Variants in ZFPM2 observed in about 807,000 individuals in gnomAD.
ZFPM2 encodes the protein zinc finger protein ZFPM2.
ZFPM2 carries 20 observed loss-of-function variants against 98.6 expected under a neutral mutation model. The ratio of observed to expected loss-of-function variants is 0.20; its 90% confidence interval spans 0.14 to 0.29. The LOEUF (loss-of-function observed/expected upper bound fraction) is 0.29, where lower values mean the gene tolerates loss of function less well. ZFPM2 is among the 10% of genes least tolerant of loss of function. The pLI, the probability that ZFPM2 is intolerant of heterozygous loss-of-function variation, is 1.00. For synonymous variants in ZFPM2, 518 were observed against 502.7 expected, an observed-to-expected ratio of 1.03 and a Z score of -0.41; for missense variants, 1,310 against 1,388.6, an observed-to-expected ratio of 0.94 and a Z score of 0.90.
At position 105,803,446 on chromosome 8, in the gene ZFPM2, C is replaced by G. The variant is rs1480835006; in HGVS notation, c.3364C>G (p.Arg1122Gly). The G allele has an allele frequency of 1.2e-6, 2 of 1,613,708 alleles. No homozygotes were observed. Among genetic ancestry groups the G allele is most frequent in the Non-Finnish European group, 1.7e-6 (2 of 1,179,758 alleles). Residue 1122 changes from arginine (R) to glycine (G), a missense_variant, in exon 8 of 8, where the codon CGG becomes GGG. Transcript: ENST00000407775. The stretch of plus-strand genomic sequence containing the variant: ...GGCTCCAACCAGTGGGAAATATTGC[C>G]GGCTATGTGATATCCAGTTCAACAA... ...SQAPTSGKYC[R>G]LCDIQFNNLS...
intron 1 of ZFPM2, among the ~76,000 whole-genome samples, chr8:105,325,912 A>G (rs1812105367): frequency 6.6e-6 from 1 of 151,806 alleles, no homozygotes; most frequent in Non-Finnish European, 1.5e-5. Context: ...TTTGGTCAAG[A>G]TTTCACATGT....
intron 4 of ZFPM2, among the ~76,000 whole-genome samples, chr8:105,581,373 A>G (rs771538217): frequency 1.3e-5 from 2 of 152,170 alleles, no homozygotes; most frequent in African/African-American, 4.8e-5. Flanking sequence ...TTTGGAACCA[A>G]TCCTGCATTA....
chr8:105,372,999 C>T (rs1810654534), intron 1 of ZFPM2, among the ~76,000 whole-genome samples: 1 of 152,116 alleles, frequency 6.6e-6, no homozygotes, highest in African/African-American at 2.4e-5. Flanking sequence ...TCTCCCAGTT[C>T]ATATGCATAA....
chr8:105,552,920 C>A (rs1814897072), intron 3 of ZFPM2, among the ~76,000 whole-genome samples: 1 of 151,472 alleles, frequency 6.6e-6, no homozygotes, highest in Non-Finnish European at 1.5e-5. Context: ...AGCAATCCTC[C>A]CACCTTAGCC....
chr8:105,742,379 T>TA (rs79123129), intron 5 of ZFPM2, among the ~76,000 whole-genome samples: 2,067 of 109,714 alleles, frequency 0.019, 24 homozygotes, highest in African/African-American at 0.041. Context: ...TCCTGTCTCT[T>TA]AAAAAAAAAA....
intron 2 of ZFPM2, among the ~76,000 whole-genome samples, chr8:105,434,670 A>T (rs1223281075): frequency 1.3e-5 from 2 of 152,218 alleles, no homozygotes. Flanking sequence ...GTTCATTGTT[A>T]AAAAATACTT....
chr8:105,745,513 G>A (rs756173419), intron 5 of ZFPM2, among the ~76,000 whole-genome samples: 1 of 152,030 alleles, frequency 6.6e-6, no homozygotes, highest in Non-Finnish European at 1.5e-5. Context: ...AACAGTTATC[G>A]TGATCACTTC....
intron 1 of ZFPM2, among the ~76,000 whole-genome samples, chr8:105,332,632 G>A (rs1455195804): frequency 6.6e-6 from 1 of 151,622 alleles, no homozygotes; most frequent in African/African-American, 2.4e-5. Context: ...TTCAATTAGT[G>A]CATTACATAG....
At chr8:105,784,858 G>A (rs779810479) in intron 5 of ZFPM2, 1 of 145,510 alleles carries the variant, frequency 6.9e-6, no homozygotes, top group Admixed American at 6.6e-5. Flanking sequence ...TACAATATTT[G>A]GGTTATCACT....
At chr8:105,393,656 G>A (rs1811163060) in intron 1 of ZFPM2, among the ~76,000 whole-genome samples, 1 of 151,938 alleles carries the variant, frequency 6.6e-6, no homozygotes, top group Non-Finnish European at 1.5e-5. Context: ...AGTCTTGGGT[G>A]GGAGAAATTC....
chr8:105,517,704 ACAC>A (rs1467227067), intron 3 of ZFPM2, among the ~76,000 whole-genome samples: 24 of 40,052 alleles, frequency 6.0e-4, no homozygotes, highest in Non-Finnish European at 9.1e-4. Context: ...ACACACACAC[ACAC>A]CACACACACA....
At chr8:105,374,924 T>C (rs191108401) in intron 1 of ZFPM2, among the ~76,000 whole-genome samples, 13 of 151,988 alleles carry the variant, frequency 8.6e-5, no homozygotes, top group African/African-American at 2.9e-4. Flanking sequence ...CTAACTTCCA[T>C]AGGTAAAATG....
At chr8:105,406,899 A>T (rs990116167) in intron 1 of ZFPM2, among the ~76,000 whole-genome samples, 1 of 151,958 alleles carries the variant, frequency 6.6e-6, no homozygotes, top group Non-Finnish European at 1.5e-5. Context: ...ATGGAACCTG[A>T]CTACATTTTC....
intron 1 of ZFPM2, among the ~76,000 whole-genome samples, chr8:105,322,120 G>A (rs1812037390): frequency 6.6e-6 from 1 of 152,054 alleles, no homozygotes. Context: ...GGTGTTTGGT[G>A]TGGGAGCCAT....
intron 4 of ZFPM2, among the ~76,000 whole-genome samples, chr8:105,598,066 CT>C (rs76865028): frequency 0.091 from 11,815 of 129,920 alleles, 386 homozygotes; most frequent in Middle Eastern, 0.21. Context: ...AAAAAAAAAC[CT>C]TTTTTTTTTT....
At chr8:105,465,185 A>G (rs537470872) in intron 3 of ZFPM2, among the ~76,000 whole-genome samples, 13 of 152,050 alleles carry the variant, frequency 8.5e-5, no homozygotes, top group Non-Finnish European at 1.8e-4. Flanking sequence ...GGAGCAAAAA[A>G]TATCTTGAAT....
At chr8:105,621,421 T>G (rs1419086625) in intron 4 of ZFPM2, among the ~76,000 whole-genome samples, 1 of 152,184 alleles carries the variant, frequency 6.6e-6, no homozygotes, top group East Asian at 1.9e-4. Context: ...TTAAGGAGGT[T>G]TGGGGCTGAG....
chr8:105,732,803 A>T (rs1436160219), intron 5 of ZFPM2, among the ~76,000 whole-genome samples: 1 of 151,800 alleles, frequency 6.6e-6, no homozygotes, highest in Non-Finnish European at 1.5e-5. Flanking sequence ...TTCCTTTATG[A>T]TTAAACGTTT....
intron 5 of ZFPM2, among the ~76,000 whole-genome samples, chr8:105,777,139 A>C (rs1440288922): frequency 6.6e-6 from 1 of 152,202 alleles, no homozygotes; most frequent in East Asian, 1.9e-4. Context: ...ACCAGAGTGC[A>C]GTTTTTATCG....
Sources: gnomAD v4.1 joint callset for allele counts (sites outside exome capture counted in the v4.1 genomes callset) on GRCh38, gnomAD v4.1.1 for gene constraint, MANE v1.5 for transcripts, NCBI Gene and HGNC (gene_info 2026-07-23, HGNC 2026-07-21) for gene names.